CTSK: variants seen among roughly 807,000 people sequenced by gnomAD.
CTSK encodes the protein cathepsin O.
A neutral mutation model predicts 40.5 loss-of-function variants in CTSK; 26 were observed. The observed-to-expected ratio is 0.64, with a 90% confidence interval of 0.47 to 0.89. CTSK has a LOEUF of 0.89. Among genes scored for constraint, CTSK ranks in the 40% least tolerant of loss-of-function variants. CTSK has a pLI of 0.00. For synonymous variants in CTSK, 132 were observed against 143.2 expected, an observed-to-expected ratio of 0.92 and a Z score of 0.56; for missense variants, 292 against 400.1, an observed-to-expected ratio of 0.73 and a Z score of 2.30.
At chr1:150,796,961 C>A in intron 7 of CTSK, 63 bp from the exon 8 acceptor site, 1 of 1,153,924 alleles carries the variant, frequency 8.7e-7, no homozygotes, top group Non-Finnish European at 1.3e-6. Flanking sequence ...AAAATATTTA[C>A]TGAGTATTGT....
intron 6 of CTSK, 134 bp downstream of exon 6, chr1:150,799,410 G>A (rs1653939457): frequency 1.6e-6 from 2 of 1,230,808 alleles, no homozygotes; most frequent in Non-Finnish European, 2.4e-6. Flanking sequence ...CCATACTGCA[G>A]CAGTTGTTAA....
In CTSK at chr1:150,799,704, C is replaced by G. The variant is rs768562170; in HGVS notation, c.624G>C (p.Glu208Asp). The part of the protein sequence containing the change: ...EDAYPYVGQE[E>D]SCMYNPTGKA... ...TGCCTGTTGGGTTGTACATACAACTCTCTTCCTGGAAGAAACAAGATTGTA... is the reference window on the plus strand; with the variant it reads ...TGCCTGTTGGGTTGTACATACAACTGTCTTCCTGGAAGAAACAAGATTGTA... The change falls in exon 6 of 8, where the codon GAG becomes GAC. Residue 208 changes from glutamate (E) to aspartate (D), a missense_variant. Coordinates refer to ENST00000271651, the MANE Select transcript of CTSK (RefSeq NM_000396.4). 9 of 1,613,960 alleles carry G rather than the reference C, an allele frequency of 5.6e-6. No individual in the cohort carries two copies. The highest frequency in any genetic ancestry group is 1.7e-5 in the Admixed American group (1 of 60,002).
intron 7 of CTSK, among the ~76,000 whole-genome samples, chr1:150,798,717 C>T (rs1653922247): frequency 6.6e-6 from 1 of 152,158 alleles, no homozygotes; most frequent in African/African-American, 2.4e-5. Flanking sequence ...GGCTTGGTGC[C>T]ATCGCCTTGG....
At chr1:150,806,583 G>A in intron 2 of CTSK, 103 bp downstream of exon 2, 1 of 1,472,888 alleles carries the variant, frequency 6.8e-7, no homozygotes, top group South Asian at 1.1e-5. Flanking sequence ...GGACTGATTT[G>A]CTTGGAATAA....
chr1:150,807,891 C>A (rs1654146601), intron 1 of CTSK, among the ~76,000 whole-genome samples: 2 of 152,184 alleles, frequency 1.3e-5, no homozygotes, highest in South Asian at 4.1e-4. Context: ...TCTCCTCCTC[C>A]TCACTAAGGA....
At chr1:150,801,029 T>G (rs992276282) in intron 5 of CTSK, 1 of 151,646 alleles carries the variant, frequency 6.6e-6, no homozygotes, top group Admixed American at 6.6e-5. Flanking sequence ...AGATATTATG[T>G]GATGATACTT....
chr1:150,806,187 T>G lies in CTSK; in HGVS notation c.158A>C (p.Asn53Thr). 1 of 1,614,026 alleles carries G rather than the reference T, an allele frequency of 6.2e-7. No homozygotes were observed. The highest frequency in any genetic ancestry group is 1.1e-5 in the South Asian group (1 of 91,072). ...GTTATGGATGGAAATATACTTCAGG[T>G]TTTTTTCCCAAATTAAACGCCGAGA... ...EISRRLIWEK[N>T]LKYISIHNLE... The change falls in exon 3 of 8, where the codon AAC becomes ACC. Residue 53 changes from asparagine to threonine, a missense_variant. By Grantham distance (65) the Asn-to-Thr change is moderately conservative. Coordinates refer to ENST00000271651, the MANE Select transcript of CTSK (RefSeq NM_000396.4).
At chr1:150,797,648 T>A (rs889856781) in intron 7 of CTSK, among the ~76,000 whole-genome samples, 1 of 152,112 alleles carries the variant, frequency 6.6e-6, no homozygotes, top group African/African-American at 2.4e-5. Context: ...TTGTTTTCAG[T>A]CCTCTTTCCC....
At chr1:150,801,941 A>G (rs587679191) in intron 5 of CTSK, among the ~76,000 whole-genome samples, 201 of 152,258 alleles carry the variant, frequency 1.3e-3, no homozygotes, top group Non-Finnish European at 2.6e-3. Flanking sequence ...TTCTCTTTAA[A>G]CTTTTAAGAA....
intron 7 of CTSK, among the ~76,000 whole-genome samples, chr1:150,798,892 G>C (rs922715998): frequency 6.6e-6 from 1 of 152,186 alleles, no homozygotes; most frequent in Non-Finnish European, 1.5e-5. Context: ...AGGCTGAGCA[G>C]ATACTAGTGC....
Position 150,804,202 on chromosome 1 carries a change from CCCACAGAG to C in CTSK, c.429_436del (p.Ser143ArgfsTer28). 1.2e-6 allele frequency: 2 copies of C among 1,614,152 alleles called. No homozygotes were observed. Among genetic ancestry groups the C allele is most frequent in the Non-Finnish European group, 1.7e-6 (2 of 1,180,014 alleles). On this transcript the variant is annotated frameshift_variant, in exon 5 of 8. Transcript: ENST00000271651. LOFTEE classifies it high-confidence loss of function. Reference sequence around the variant, plus strand: ...CTTCTTGAGTTGGCCCTCCAGGGCACCCACAGAGCTAAAAGCCCAACAGGAACCACACT... The same window carrying C: ...CTTCTTGAGTTGGCCCTCCAGGGCACCTAAAAGCCCAACAGGAACCACACT...
At position 150,799,500 on chromosome 1, in the gene CTSK, T is replaced by G. The variant is rs750887314; in HGVS notation, c.784+44A>C. 1.2e-5 allele frequency: 20 copies of G among 1,609,338 alleles called. No homozygotes were observed. In the South Asian group the frequency reaches 2.2e-4, roughly 18 times the overall value. ...AGGTCCTTCGAGAAACCATCAAGTT[T>G]GTATCATAAAAGACAGTGCTGTATA... On this transcript the variant is annotated intron_variant, in intron 6 of 7. Coordinates refer to ENST00000271651, the MANE Select transcript of CTSK (RefSeq NM_000396.4).
chr1:150,806,587 G>T, intron 2 of CTSK, 99 bp downstream of exon 2: 2 of 1,503,716 alleles, frequency 1.3e-6, no homozygotes, highest in South Asian at 1.1e-5. Flanking sequence ...TGATTTGCTT[G>T]GAATAAAGCA....
rs4970976 is a variant in CTSK at position 150,807,048 on chromosome 1, T to A, written c.-1-242A>T. ...CTCGGGAGATTTAGGCAACACACAC[T>A]CTCTCTGTTTCTCTCTCTGTCTCTC... is the stretch of plus-strand genomic sequence containing the variant. On this transcript the variant is annotated intron_variant, in intron 1 of 7. Coordinates refer to ENST00000271651, the MANE Select transcript of CTSK (RefSeq NM_000396.4). 0.46 allele frequency among the ~76,000 whole-genome samples: 61,557 copies of A among 132,866 alleles called. 15,083 individuals are homozygous for A. Among genetic ancestry groups the A allele is most frequent in the Non-Finnish European group, 0.58 (36,154 of 62,164 alleles). The allele number at this position is 132,866 out of a possible 152,430, so 87.2% of individuals were successfully genotyped here.
intron 3 of CTSK, 35 bp downstream of exon 3, chr1:150,806,067 G>T (rs1241305511): frequency 3.7e-6 from 6 of 1,614,198 alleles, no homozygotes; most frequent in Non-Finnish European, 5.1e-6. Context: ...TAAAGCAAAT[G>T]GTGCAGGTGG....
chr1:150,799,423 T>C (rs1352849397), intron 6 of CTSK, 121 bp downstream of exon 6: 8 of 1,326,850 alleles, frequency 6.0e-6, no homozygotes, highest in Non-Finnish European at 8.7e-6. Flanking sequence ...GTTGTTAATT[T>C]CTCTCTGGCC....
rs587744055 is a variant in CTSK at position 150,805,232 on chromosome 1, G to A, written c.399+629C>T. Reference sequence around the variant, plus strand: ...CTCAAAAAAAAAAAAAAAATTTGGGGGGGGGGAAAGGATTATTTGTGACCT... The same window carrying A: ...CTCAAAAAAAAAAAAAAAATTTGGGAGGGGGGAAAGGATTATTTGTGACCT... On this transcript the variant is annotated intron_variant, in intron 4 of 7. Coordinates refer to ENST00000271651, the MANE Select transcript of CTSK (RefSeq NM_000396.4). Among the ~76,000 whole-genome samples, 7 of 145,652 alleles carry A rather than the reference G, an allele frequency of 4.8e-5. No individual in the cohort carries two copies. In the East Asian group the frequency reaches 6.5e-4, roughly 14 times the overall value.
chr1:150,806,641 C>T, intron 2 of CTSK, 45 bp downstream of exon 2: 2 of 1,612,456 alleles, frequency 1.2e-6, no homozygotes. Flanking sequence ...TGAGAGAGCT[C>T]AGGTCTCAGC....
At chr1:150,803,070 A>T (rs1038819020) in intron 5 of CTSK, among the ~76,000 whole-genome samples, 1 of 152,232 alleles carries the variant, frequency 6.6e-6, no homozygotes, top group East Asian at 1.9e-4. Flanking sequence ...GACATTGTGT[A>T]GTAAAGTTGA....
Sources: allele counts gnomAD v4.1 joint callset (sites outside exome capture counted in the v4.1 genomes callset), GRCh38; gene constraint gnomAD v4.1.1; transcripts MANE v1.5; gene names NCBI Gene and HGNC (gene_info 2026-07-23, HGNC 2026-07-21).